Variants in FAM210A observed in about 807,000 individuals in gnomAD.
The protein encoded by FAM210A is mitochondrial inner membrane scaffold 1.
FAM210A carries 13 observed loss-of-function variants against 25.3 expected under a neutral mutation model. That is an observed-to-expected ratio of 0.51 (90% CI 0.33 to 0.82). The LOEUF is 0.82. FAM210A is among the 40% of genes least tolerant of loss of function. The pLI, the probability that FAM210A is intolerant of heterozygous loss-of-function variation, is 0.02. For missense variants in FAM210A, 319 were observed against 323.2 expected (o/e 0.99, Z 0.10); for synonymous variants, 125 against 118.7 (o/e 1.05, Z -0.35).
intron 1 of FAM210A, among the ~76,000 whole-genome samples, chr18:13,717,408 G>C (rs1402202155): frequency 6.6e-6 from 1 of 152,108 alleles, no homozygotes; most frequent in Non-Finnish European, 1.5e-5. Context: ...CTCCCAAAGT[G>C]CTGGGATTAC....
At chr18:13,690,939 G>A (rs1370059263) in intron 1 of FAM210A, among the ~76,000 whole-genome samples, 3 of 151,876 alleles carry the variant, frequency 2.0e-5, no homozygotes, top group Non-Finnish European at 4.4e-5. Context: ...TCAGACGATC[G>A]GTAATAACAA....
intron 2 of FAM210A, among the ~76,000 whole-genome samples, chr18:13,675,973 CCGTGGTAACTTCTTTATTTCCAGTTT>C (rs2043495234): frequency 4.6e-5 from 1 of 21,912 alleles, no homozygotes. Flanking sequence ...CATTCCTGAG[CCGTGGTAACTTCTTTATTTCCAGTTT>C]CCTGATTATT....
intron 1 of FAM210A, among the ~76,000 whole-genome samples, chr18:13,690,630 C>A (rs2043635498): frequency 6.6e-6 from 1 of 152,188 alleles, no homozygotes; most frequent in African/African-American, 2.4e-5. Context: ...GCTGGTGATA[C>A]CCAGGCAAAT....
At chr18:13,677,970 T>C (rs937156131) in intron 2 of FAM210A, among the ~76,000 whole-genome samples, 14 of 152,150 alleles carry the variant, frequency 9.2e-5, no homozygotes, top group African/African-American at 3.4e-4. Flanking sequence ...AAATTACTTA[T>C]CATCAAAAGT....
chr18:13,687,053 A>G (rs1446962881), intron 1 of FAM210A, among the ~76,000 whole-genome samples: 8 of 152,274 alleles, frequency 5.3e-5, no homozygotes, highest in Admixed American at 2.6e-4. Context: ...TCTAAAAACT[A>G]TCATACACCC....
At chr18:13,685,247 C>T (rs2043586894) in intron 1 of FAM210A, among the ~76,000 whole-genome samples, 1 of 151,974 alleles carries the variant, frequency 6.6e-6, no homozygotes, top group Non-Finnish European at 1.5e-5. Context: ...AATATCTTAC[C>T]CCAAAACACG....
chr18:13,694,655 G>C (rs1401642675), intron 1 of FAM210A, among the ~76,000 whole-genome samples: 1 of 152,188 alleles, frequency 6.6e-6, no homozygotes, highest in Non-Finnish European at 1.5e-5. Context: ...GGGAAAACTG[G>C]CTAGCCATAT....
intron 1 of FAM210A, among the ~76,000 whole-genome samples, chr18:13,726,014 G>A (rs2149074711): frequency 6.6e-6 from 1 of 152,314 alleles, no homozygotes; most frequent in South Asian, 2.1e-4. Context: ...CTCTTCAACT[G>A]GCTTCGGAAG....
chr18:13,701,053 T>A (rs2043735390), intron 1 of FAM210A, among the ~76,000 whole-genome samples: 1 of 152,216 alleles, frequency 6.6e-6, no homozygotes, highest in Non-Finnish European at 1.5e-5. Flanking sequence ...ATTGCTCAAT[T>A]AAACTCCTTT....
At chr18:13,693,530 A>G (rs1024167731) in intron 1 of FAM210A, among the ~76,000 whole-genome samples, 2 of 152,256 alleles carry the variant, frequency 1.3e-5, no homozygotes, top group Admixed American at 1.3e-4. Flanking sequence ...GCAGCACATC[A>G]AAAAGCTCAT....
intron 2 of FAM210A, among the ~76,000 whole-genome samples, chr18:13,676,170 A>T (rs201829269): frequency 5.5e-5 from 1 of 18,308 alleles, no homozygotes; most frequent in Non-Finnish European, 1.1e-4. Flanking sequence ...CTGAGCCCCG[A>T]CTTCATTTCC....
Position 13,666,238 on chromosome 18 carries a change from T to C in FAM210A, c.*242A>G. 1 of 456,896 alleles carries C rather than the reference T, an allele frequency of 2.2e-6. No homozygotes were observed. Among genetic ancestry groups the C allele is most frequent in the Non-Finnish European group, 3.9e-6 (1 of 253,598 alleles). 28.3% of individuals were successfully genotyped at this position (456,896 alleles called of 1,614,324 possible). ...AAAAAGAAGTCTGACTTCTAAGACATTAACCACTGCTTAATACTGCTACTG... is the reference window on the plus strand; with the variant it reads ...AAAAAGAAGTCTGACTTCTAAGACACTAACCACTGCTTAATACTGCTACTG... On this transcript the variant is annotated 3_prime_UTR_variant, in exon 4 of 4. Coordinates refer to ENST00000651643, the MANE Select transcript of FAM210A (RefSeq NM_152352.4).
At chr18:13,702,097 C>G (rs1015499425) in intron 1 of FAM210A, among the ~76,000 whole-genome samples, 1 of 152,170 alleles carries the variant, frequency 6.6e-6, no homozygotes, top group Non-Finnish European at 1.5e-5. Flanking sequence ...GGCTTGGCCC[C>G]CAAGGCTGTG....
Position 13,681,841 on chromosome 18 carries a change from T to A in FAM210A, c.237A>T (p.Gly79=), listed in dbSNP as rs2043556740. The change falls in exon 2 of 4, where the codon GGA becomes GGT. Residue 79 remains glycine, a synonymous_variant. Transcript: ENST00000651643. ...RPLDAHPPQP[G]VLRHKQGKQH... is the part of the protein sequence containing the mutation. ...GCTTCCCTTGCTTATGGCGAAGGAC[T>A]CCTGGTTGGGGTGGATGAGCATCCA... 1.2e-6 allele frequency: 2 copies of A among 1,614,232 alleles called. No homozygotes were observed. Among genetic ancestry groups the A allele is most frequent in the Non-Finnish European group, 1.7e-6 (2 of 1,180,038 alleles).
chr18:13,664,581 T>C lies in FAM210A; in HGVS notation c.*1899A>G, dbSNP rs1030949312. The C allele has an allele frequency of 2.6e-5, 4 of 152,118 alleles. No individual in the cohort carries two copies. Among genetic ancestry groups the C allele is most frequent in the Admixed American group, 6.5e-5 (1 of 15,274 alleles). 9.4% of individuals were successfully genotyped at this position (152,118 alleles called of 1,614,324 possible). A position where few individuals can be genotyped will look rare whatever the true frequency, so the allele number is the denominator to read the frequency against. ...GTGGCATCAATGTGAAGCAGTGCAT[T>C]CAACCCTCTGTATCAGGAGACAGCG... On this transcript the variant is annotated 3_prime_UTR_variant, in exon 4 of 4. Coordinates refer to ENST00000651643, the MANE Select transcript of FAM210A (RefSeq NM_152352.4).
intron 1 of FAM210A, among the ~76,000 whole-genome samples, chr18:13,709,309 C>T (rs1015220462): frequency 1.8e-4 from 27 of 152,340 alleles, no homozygotes; most frequent in Admixed American, 7.2e-4. Flanking sequence ...CTACCCATGA[C>T]GGCATCTCTC....
intron 1 of FAM210A, among the ~76,000 whole-genome samples, chr18:13,710,996 A>T (rs772597661): frequency 2.6e-5 from 4 of 152,222 alleles, no homozygotes; most frequent in Non-Finnish European, 5.9e-5. Flanking sequence ...TCATTGTTGT[A>T]TAGATATGCC....
intron 1 of FAM210A, among the ~76,000 whole-genome samples, chr18:13,699,314 C>T (rs893344146): frequency 3.9e-5 from 6 of 152,162 alleles, no homozygotes; most frequent in East Asian, 1.9e-4. Flanking sequence ...TCTAATACCA[C>T]ATTTGAACCA....
chr18:13,704,253 G>A (rs989711755), intron 1 of FAM210A, among the ~76,000 whole-genome samples: 23 of 152,288 alleles, frequency 1.5e-4, no homozygotes, highest in Admixed American at 1.2e-3. Flanking sequence ...AGAGGGTGAA[G>A]GGGTTTTTTA....
Sources: allele counts gnomAD v4.1 joint callset (sites outside exome capture counted in the v4.1 genomes callset), GRCh38; gene constraint gnomAD v4.1.1; transcripts MANE v1.5; gene names NCBI Gene and HGNC (gene_info 2026-07-23, HGNC 2026-07-21).